Variants in ACSL6 observed in about 807,000 individuals in gnomAD.
The protein encoded by ACSL6 is long-chain-fatty-acid--CoA ligase 6.
Under a neutral mutation model 98.2 loss-of-function variants are expected in ACSL6, and 47 were observed. That is an observed-to-expected ratio of 0.48 (90% CI 0.38 to 0.61). The LOEUF is 0.61. Ranked by LOEUF, ACSL6 falls within the 20% of genes least tolerant of loss-of-function variation. The pLI, the probability that ACSL6 is intolerant of heterozygous loss-of-function variation, is 0.00. For missense variants in ACSL6, 761 were observed against 913.4 expected, an observed-to-expected ratio of 0.83 and a Z score of 2.15; for synonymous variants, 362 against 336.9, an observed-to-expected ratio of 1.07 and a Z score of -0.82.
At chr5:131,962,749 G>A (rs568482753) in intron 17 of ACSL6, 71 bp from the exon 18 acceptor site, 38 of 1,558,896 alleles carry the variant, frequency 2.4e-5, no homozygotes, top group Admixed American at 1.9e-4. Context: ...CCTCAGTGCC[G>A]TAACTCCCTG....
At chr5:131,958,274 G>T (rs1752523075) in intron 20 of ACSL6, among the ~76,000 whole-genome samples, 1 of 152,198 alleles carries the variant, frequency 6.6e-6, no homozygotes, top group African/African-American at 2.4e-5. Flanking sequence ...AGCTTAGGCT[G>T]CAGCCAGCCC....
rs909900688 is a variant in ACSL6 at position 131,951,281 on chromosome 5, A to G, written c.*2953T>C. On this transcript the variant is annotated 3_prime_UTR_variant, in exon 21 of 21. Transcript: ENST00000651883. ...CATCGTAAGTACATCACCTTTTTCT[A>G]TCTCTGTTAATGAGAAATACAGATT... The G allele has an allele frequency of 4.8e-6, 1 of 208,456 alleles. No homozygotes were observed. The highest frequency in any genetic ancestry group is 2.3e-5 in the African/African-American group (1 of 43,930). The allele number at this position is 208,456 out of a possible 1,614,324, so 12.9% of individuals were successfully genotyped here. A position where few individuals can be genotyped will look rare whatever the true frequency, so the allele number is the denominator to read the frequency against.
chr5:132,011,404 G>A lies in ACSL6; in HGVS notation c.49+101C>T, dbSNP rs1468155184. ...CGGGACAGCTCAGCAGCAGGGGATG[G>A]GGGCTCGGCGGCCGCGGAGATGTAA... On this transcript the variant is annotated intron_variant, in intron 1 of 20. Transcript: ENST00000651883. This position sits in a 1 kb window ranked among gnomAD's most constrained non-coding sequence, Gnocchi z 5.4. 1.1e-5 allele frequency: 14 copies of A among 1,286,820 alleles called. No homozygotes were observed. Among genetic ancestry groups the A allele is most frequent in the Non-Finnish European group, 1.5e-5 (13 of 895,600 alleles). The allele number at this position is 1,286,820 out of a possible 1,614,324, so 79.7% of individuals were successfully genotyped here. A position where few individuals can be genotyped will look rare whatever the true frequency, so the allele number is the denominator to read the frequency against.
At chr5:131,974,264 C>T (rs1753487158) in intron 11 of ACSL6, among the ~76,000 whole-genome samples, 1 of 152,310 alleles carries the variant, frequency 6.6e-6, no homozygotes, top group African/African-American at 2.4e-5. Context: ...TGGATTCCTC[C>T]TCCCACTCCC....
At chr5:131,989,059 T>C (rs1393591826) in intron 5 of ACSL6, among the ~76,000 whole-genome samples, 155 bp from the exon 6 acceptor site, 1 of 152,190 alleles carries the variant, frequency 6.6e-6, no homozygotes, top group Non-Finnish European at 1.5e-5. Flanking sequence ...CCCACAGCCT[T>C]CTGGACCAGG....
intron 1 of ACSL6, among the ~76,000 whole-genome samples, chr5:131,995,284 G>A (rs769895286): frequency 3.3e-5 from 5 of 152,192 alleles, no homozygotes; most frequent in Middle Eastern, 3.2e-3. Context: ...AAGTGAGGCC[G>A]TGTTGGCACA....
intron 2 of ACSL6, among the ~76,000 whole-genome samples, chr5:131,992,706 G>A (rs1324688521): frequency 1.3e-5 from 2 of 152,062 alleles, no homozygotes; most frequent in Non-Finnish European, 1.5e-5. Flanking sequence ...ACCTTTCTAC[G>A]GCACAAACTG....
At chr5:131,974,439 G>A (rs887883340) in intron 11 of ACSL6, among the ~76,000 whole-genome samples, 2 of 152,184 alleles carry the variant, frequency 1.3e-5, no homozygotes, top group Non-Finnish European at 2.9e-5. Flanking sequence ...GGTCATAAAC[G>A]GAGCTGTACT....
intron 17 of ACSL6, among the ~76,000 whole-genome samples, chr5:131,963,375 G>A (rs956639440): frequency 6.6e-6 from 1 of 152,032 alleles, no homozygotes; most frequent in East Asian, 1.9e-4. Flanking sequence ...TCCCCTCACC[G>A]CCACTGACAA....
Position 131,994,064 on chromosome 5 carries a change from T to A in ACSL6, c.237A>T (p.Pro79=). 1 of 1,614,070 alleles carries A rather than the reference T, an allele frequency of 6.2e-7. No homozygotes were observed. The highest frequency in any genetic ancestry group is 8.5e-7 in the Non-Finnish European group (1 of 1,180,040). ...CTTCTGACTGCATCAGGAGGTTGCA[T>A]GGCGGCTGCAAGGCCTTTGGCCGGT... ...FTHRPKALQP[P]CNLLMQSEEV... is the part of the protein sequence containing the mutation. The change falls in exon 2 of 21, where the codon CCA becomes CCT. Residue 79 remains proline, a synonymous_variant. Transcript: ENST00000651883.
At chr5:131,972,382 G>A (rs1041663265) in intron 13 of ACSL6, among the ~76,000 whole-genome samples, 2 of 152,064 alleles carry the variant, frequency 1.3e-5, no homozygotes, top group Non-Finnish European at 2.9e-5. Flanking sequence ...ACCATGGCCA[G>A]GATTACAGGG....
chr5:131,975,154 G>A, intron 10 of ACSL6, 184 bp from the exon 11 acceptor site: 1 of 1,386,742 alleles, frequency 7.2e-7, no homozygotes, highest in Non-Finnish European at 9.4e-7. Flanking sequence ...GAGAGAGAGG[G>A]AGAGAGAGAG....
At chr5:131,973,616 GA>G (rs2149722876) in intron 11 of ACSL6, 1 of 451,660 alleles carries the variant, frequency 2.2e-6, no homozygotes, top group East Asian at 3.6e-5. Context: ...AGATGAAGCA[GA>G]AGATGGAGTG....
chr5:132,011,302 G>C lies in ACSL6; in HGVS notation c.49+203C>G. On this transcript the variant is annotated intron_variant, in intron 1 of 20. Transcript: ENST00000651883. This position sits in a 1 kb window ranked among gnomAD's most constrained non-coding sequence, Gnocchi z 5.4. ...CCCTATATCTCCCTCCGCAGACCCA[G>C]GTGCTCCCCAAACCCGGCCCGGAGC... The C allele has an allele frequency of 1.6e-6, 1 of 615,178 alleles. No individual in the cohort carries two copies. The highest frequency in any genetic ancestry group is 1.9e-5 in the South Asian group (1 of 52,444). 38.1% of individuals were successfully genotyped at this position (615,178 alleles called of 1,614,324 possible).
In ACSL6 at chr5:131,990,900, T is replaced by C. The variant is rs1754471182; in HGVS notation, c.338A>G (p.Asp113Gly). The C allele has an allele frequency of 6.2e-7, 1 of 1,613,466 alleles. No individual in the cohort carries two copies. The highest frequency in any genetic ancestry group is 1.3e-5 in the African/African-American group (1 of 74,712). Residue 113 changes from aspartate to glycine, a missense_variant, in exon 3 of 21, where the codon GAT becomes GGT. Coordinates refer to ENST00000651883, the MANE Select transcript of ACSL6 (RefSeq NM_001009185.3). ...GAACACCTGGTACATGGTCCGGGCA[T>C]CATCATAGTAGTGGGTAAGTAGCTG... ...GPQLLTHYYD[D>G]ARTMYQVFRR...
intron 9 of ACSL6, chr5:131,982,945 A>G (rs1487679019): frequency 6.6e-6 from 1 of 152,200 alleles, no homozygotes; most frequent in Non-Finnish European, 1.5e-5. Flanking sequence ...TGCCCTCAGC[A>G]CCTAATGCTA....
intron 11 of ACSL6, 125 bp downstream of exon 11, chr5:131,974,768 C>A (rs760269032): frequency 4.3e-6 from 7 of 1,609,264 alleles, no homozygotes; most frequent in Admixed American, 1.7e-5. Context: ...CTGCACCATT[C>A]GCTCAAACAT....
rs1190992598 is a variant in ACSL6, at chr5:131,953,665, A to G, written c.*569T>C. 4.2e-5 allele frequency: 8 copies of G among 189,842 alleles called. No homozygotes were observed. Among genetic ancestry groups the G allele is most frequent in the Non-Finnish European group, 8.9e-5 (8 of 90,180 alleles). The allele number at this position is 189,842 out of a possible 1,614,324, so 11.8% of individuals were successfully genotyped here. On this transcript the variant is annotated 3_prime_UTR_variant, in exon 21 of 21. Transcript: ENST00000651883. ...TTTTTCATGAATGAAAGTAAAAATC[A>G]GAGAGAAAATTTTCACATATGACAA... is the stretch of plus-strand genomic sequence containing the variant.
intron 16 of ACSL6, among the ~76,000 whole-genome samples, chr5:131,967,697 A>AATAATT (rs748220702): frequency 3.4e-5 from 5 of 147,940 alleles, no homozygotes; most frequent in African/African-American, 1.2e-4. Flanking sequence ...TAATAATAAT[A>AATAATT]ATTAATTAAT....
Sources: gnomAD v4.1 joint callset for allele counts (sites outside exome capture counted in the v4.1 genomes callset) on GRCh38, gnomAD v4.1.1 for gene constraint, Gnocchi (gnomAD v3.1) non-coding constraint, MANE v1.5 for transcripts, NCBI Gene and HGNC (gene_info 2026-07-23, HGNC 2026-07-21) for gene names.